The following GABRG3 variants were observed in gnomAD, a reference collection of about 807,000 sequenced individuals.
GABRG3 encodes gamma-aminobutyric acid receptor subunit gamma-3.
A neutral mutation model predicts 48.8 loss-of-function variants in GABRG3; 25 were observed. That is an observed-to-expected ratio of 0.51 (90% CI 0.37 to 0.72). The LOEUF (loss-of-function observed/expected upper bound fraction) is 0.72. GABRG3 is among the 30% of genes least tolerant of loss of function. The probability of loss-of-function intolerance (pLI) is 0.00; values close to 1 mark genes in which losing one functional copy is unlikely to be tolerated. For synonymous variants in GABRG3, 227 were observed against 217.6 expected (o/e 1.04, Z -0.38); for missense variants, 394 against 577.9 (o/e 0.68, Z 3.26).
chr15:27,047,564 T>A (rs1315725379), intron 3 of GABRG3, among the ~76,000 whole-genome samples: 2 of 152,244 alleles, frequency 1.3e-5, no homozygotes, highest in South Asian at 2.1e-4. Flanking sequence ...TCAACTTTGT[T>A]TAGTGAATAA....
At chr15:27,324,696 T>C (rs577103825) in intron 3 of GABRG3, among the ~76,000 whole-genome samples, 3 of 152,168 alleles carry the variant, frequency 2.0e-5, no homozygotes, top group Non-Finnish European at 4.4e-5. Context: ...CGAGCCAACT[T>C]TCTACCTGAG....
At chr15:27,081,976 C>T (rs1897000243) in intron 3 of GABRG3, among the ~76,000 whole-genome samples, 1 of 152,130 alleles carries the variant, frequency 6.6e-6, no homozygotes, top group Non-Finnish European at 1.5e-5. Flanking sequence ...CCAGAGAGTG[C>T]TTAAGTTAGA....
chr15:27,211,345 GACA>G (rs1192553674), intron 3 of GABRG3, among the ~76,000 whole-genome samples: 1 of 152,168 alleles, frequency 6.6e-6, no homozygotes, highest in Admixed American at 6.5e-5. Context: ...GAATCAACAA[GACA>G]ACAAGACGTT....
At chr15:27,348,329 G>A (rs775651890) in intron 5 of GABRG3, among the ~76,000 whole-genome samples, 7 of 152,064 alleles carry the variant, frequency 4.6e-5, no homozygotes, top group Non-Finnish European at 8.8e-5. Flanking sequence ...AGGACCAAAC[G>A]GGGTCAAGAG....
intron 5 of GABRG3, among the ~76,000 whole-genome samples, chr15:27,368,492 TATA>T (rs1246780647): frequency 6.6e-6 from 1 of 152,202 alleles, no homozygotes; most frequent in Non-Finnish European, 1.5e-5. Flanking sequence ...CATGAATAAT[TATA>T]ATAAGAACAC....
At position 27,352,686 on chromosome 15, in the gene GABRG3, T is replaced by C. The variant is rs968613115; in HGVS notation, c.574+23798T>C. On this transcript the variant is annotated intron_variant, in intron 5 of 9. Transcript: ENST00000615808. The surrounding 1 kb of genome is among the most constrained non-coding windows in gnomAD (Gnocchi z 4.0). ...CCACATACCAAACCGTTGGGTGATA[T>C]CGGTCTTGGTTATTGGTCCCTAGGA... Among the ~76,000 whole-genome samples, 3 of 152,086 alleles carry C rather than the reference T, an allele frequency of 2.0e-5. No individual in the cohort carries two copies. Among genetic ancestry groups the C allele is most frequent in the East Asian group, 3.9e-4 (2 of 5,144 alleles).
At chr15:27,183,395 C>T (rs1036573031) in intron 3 of GABRG3, among the ~76,000 whole-genome samples, 1 of 152,120 alleles carries the variant, frequency 6.6e-6, no homozygotes, top group Non-Finnish European at 1.5e-5. Flanking sequence ...GATGGAGTAG[C>T]CTGCCTGAGG....
chr15:27,355,817 T>C (rs1470025656), intron 5 of GABRG3, among the ~76,000 whole-genome samples: 2 of 152,130 alleles, frequency 1.3e-5, no homozygotes, highest in African/African-American at 4.8e-5. Context: ...AAACAGATGC[T>C]ACAACATAGA....
chr15:27,462,061 A>G (rs1466461439), intron 5 of GABRG3, among the ~76,000 whole-genome samples: 1 of 152,040 alleles, frequency 6.6e-6, no homozygotes, highest in Non-Finnish European at 1.5e-5. Flanking sequence ...GCCCTTGCTC[A>G]GTTGTCTTCC....
intron 9 of GABRG3, among the ~76,000 whole-genome samples, chr15:27,529,875 A>C (rs1445410330): frequency 3.3e-5 from 5 of 151,644 alleles, no homozygotes; most frequent in Non-Finnish European, 5.9e-5. Context: ...ATTATCACAA[A>C]ATGAGCAGAA....
At chr15:27,270,527 G>GT (rs1453865224) in intron 3 of GABRG3, among the ~76,000 whole-genome samples, 1 of 152,186 alleles carries the variant, frequency 6.6e-6, no homozygotes, top group Non-Finnish European at 1.5e-5. Context: ...CATATGTGGA[G>GT]TCTGTACAAG....
chr15:27,157,338 T>G (rs1675084467), intron 3 of GABRG3, among the ~76,000 whole-genome samples: 1 of 152,204 alleles, frequency 6.6e-6, no homozygotes. Context: ...TGGTAATATA[T>G]GAAATGTAAG....
intron 3 of GABRG3, among the ~76,000 whole-genome samples, chr15:27,316,594 G>A (rs1285253279): frequency 6.6e-6 from 1 of 152,106 alleles, no homozygotes; most frequent in East Asian, 1.9e-4. Flanking sequence ...GATTTAAAGT[G>A]TTTAAGATTG....
intron 2 of GABRG3, among the ~76,000 whole-genome samples, chr15:27,011,609 A>G (rs1895687920): frequency 6.6e-6 from 1 of 152,168 alleles, no homozygotes; most frequent in Non-Finnish European, 1.5e-5. Context: ...GCACTTTGGG[A>G]GGCTGAGGCA....
intron 3 of GABRG3, among the ~76,000 whole-genome samples, chr15:27,201,597 A>C (rs1161706854): frequency 6.6e-6 from 1 of 151,472 alleles, no homozygotes; most frequent in African/African-American, 2.4e-5. Flanking sequence ...GAGCTGGATT[A>C]GTCCAAAGAG....
chr15:27,003,631 C>T (rs1457297005), intron 2 of GABRG3, among the ~76,000 whole-genome samples: 3 of 152,230 alleles, frequency 2.0e-5, no homozygotes, highest in Non-Finnish European at 4.4e-5. Context: ...TCTTTCTACA[C>T]AGACATGGCA....
Position 27,519,977 on chromosome 15 carries a change from T to A in GABRG3, c.718T>A (p.Tyr240Asn). ...TTGACAATATTTTATTACAGGTGAT[T>A]ATGTTGTCATGACTATATATTTTGA... The part of the protein sequence containing the change: ...TEIVTTSAGD[Y>N]VVMTIYFELS... The change falls in exon 7 of 10, where the codon TAT (tyrosine) becomes AAT (asparagine). Residue 240 changes from tyrosine to asparagine, a missense_variant. Coordinates refer to ENST00000615808, the MANE Select transcript of GABRG3 (RefSeq NM_033223.5). The A allele has an allele frequency of 6.5e-7, 1 of 1,532,868 alleles. No homozygotes were observed. The highest frequency in any genetic ancestry group is 8.8e-7 in the Non-Finnish European group (1 of 1,139,460). 95.0% of individuals were successfully genotyped at this position (1,532,868 alleles called of 1,614,324 possible).
chr15:27,107,926 C>G (rs1897479973), intron 3 of GABRG3, among the ~76,000 whole-genome samples: 1 of 150,960 alleles, frequency 6.6e-6, no homozygotes, highest in Non-Finnish European at 1.5e-5. Flanking sequence ...TCTTTCATTT[C>G]TGGTATTGAT....
At chr15:27,501,694 T>C (rs8027835) in intron 6 of GABRG3, among the ~76,000 whole-genome samples, 34,253 of 152,004 alleles carry the variant, frequency 0.23, 6,782 homozygotes, top group African/African-American at 0.5. Context: ...TGAAACATCT[T>C]AGCCTGGCTC....
Sources: allele counts gnomAD v4.1 joint callset (sites outside exome capture counted in the v4.1 genomes callset), GRCh38; gene constraint gnomAD v4.1.1; non-coding constraint Gnocchi (gnomAD v3.1); transcripts MANE v1.5; gene names NCBI Gene and HGNC (gene_info 2026-07-23, HGNC 2026-07-21).